Variants in KIF5B observed in about 807,000 individuals in gnomAD.
KIF5B encodes kinesin-1 heavy chain.
KIF5B carries 49 observed loss-of-function variants against 132.8 expected under a neutral mutation model. The observed-to-expected ratio is 0.37, with a 90% CI of 0.29 to 0.47. KIF5B has a LOEUF of 0.47. Among genes scored for constraint, KIF5B ranks in the 20% least tolerant of loss-of-function variants. The pLI is 1.00. For synonymous variants in KIF5B, 355 were observed against 369.4 expected (o/e 0.96, Z 0.45); for missense variants, 780 against 1,144.0 (o/e 0.68, Z 4.59).
intron 15 of KIF5B, among the ~76,000 whole-genome samples, chr10:32,026,769 A>T (rs1438054176): frequency 1.3e-5 from 2 of 152,180 alleles, no homozygotes; most frequent in East Asian, 1.9e-4. Context: ...ATCTTGAACA[A>T]CATCTCTCTG....
chr10:32,012,749 A>T, intron 25 of KIF5B, among the ~76,000 whole-genome samples: 1 of 152,302 alleles, frequency 6.6e-6, no homozygotes, highest in South Asian at 2.1e-4. Flanking sequence ...AAGTTGACAT[A>T]TGAATTTTAA....
chr10:32,039,432 C>A lies in KIF5B; in HGVS notation c.289-1G>T. 2 of 1,406,504 alleles carry A rather than the reference C, an allele frequency of 1.4e-6. No individual in the cohort carries two copies. The highest frequency in any genetic ancestry group is 1.9e-6 in the Non-Finnish European group (2 of 1,026,930). The allele number at this position is 1,406,504 out of a possible 1,614,324, so 87.1% of individuals were successfully genotyped here. A position where few individuals can be genotyped will look rare whatever the true frequency, so the allele number is the denominator to read the frequency against. ...TGCCTTCTGGATCATGAAGTTTACC[C>A]TAAACAAAAAACAAAACTAGACTTC... On this transcript the variant is annotated splice_acceptor_variant, in intron 3 of 25. Transcript: ENST00000302418. LOFTEE classifies it high-confidence loss of function.
At chr10:32,021,169 C>A (rs759092497) in intron 18 of KIF5B, 38 bp from the exon 19 acceptor site, 5 of 1,604,804 alleles carry the variant, frequency 3.1e-6, no homozygotes, top group Non-Finnish European at 4.3e-6. Context: ...TAAAGTCAGA[C>A]TAATCAAAAT....
At chr10:32,040,318 A>G (rs1841516104) in intron 3 of KIF5B, 66 bp downstream of exon 3, 2 of 930,032 alleles carry the variant, frequency 2.2e-6, no homozygotes, top group Non-Finnish European at 1.8e-6. Flanking sequence ...TGGTGAAATA[A>G]TATCACAAAT....
chr10:32,044,832 G>A (rs1278002508), intron 2 of KIF5B, among the ~76,000 whole-genome samples: 5 of 152,186 alleles, frequency 3.3e-5, no homozygotes, highest in Admixed American at 3.3e-4. Context: ...GCAAGAAAGT[G>A]GCAGAGCCTA....
rs892340728 is a variant in KIF5B, at chr10:32,009,500, T to C, written c.*2037A>G. 1 of 152,176 alleles carries C rather than the reference T, an allele frequency of 6.6e-6. No individual in the cohort carries two copies. The highest frequency in any genetic ancestry group is 2.4e-5 in the African/African-American group (1 of 41,454). 9.4% of individuals were successfully genotyped at this position (152,176 alleles called of 1,614,324 possible). A position where few individuals can be genotyped will look rare whatever the true frequency, so the allele number is the denominator to read the frequency against. On this transcript the variant is annotated 3_prime_UTR_variant, in exon 26 of 26. Coordinates refer to ENST00000302418, the MANE Select transcript of KIF5B (RefSeq NM_004521.3). ...AAATTCTTGGTACACTTTATGAAAG[T>C]CTGAAATTATAAATAGAAAAGAACC...
chr10:32,053,719 AAAAATATCTC>A (rs1841720905), intron 1 of KIF5B, among the ~76,000 whole-genome samples: 1 of 149,644 alleles, frequency 6.7e-6, no homozygotes, highest in Admixed American at 6.7e-5. Context: ...AGCAAAACTC[AAAAATATCTC>A]AAAAAAAAAA....
At position 32,035,702 on chromosome 10, in the gene KIF5B, G is replaced by GTA. The variant is rs759648144; in HGVS notation, c.817-37_817-36dup. 7 of 1,562,614 alleles carry GTA rather than the reference G, an allele frequency of 4.5e-6. No individual in the cohort carries two copies. In the South Asian group the frequency reaches 8.3e-5, roughly 18 times the overall value. ...AAAACAAAGAAAGAAAACAAGACCA[G>GTA]TATAATAAAATGTTATTATAAAATA... is the stretch of plus-strand genomic sequence containing the variant. On this transcript the variant is annotated intron_variant, in intron 9 of 25. Transcript: ENST00000302418.
intron 2 of KIF5B, among the ~76,000 whole-genome samples, 184 bp downstream of exon 2, chr10:32,048,280 T>C (rs968711416): frequency 6.6e-6 from 1 of 152,196 alleles, no homozygotes; most frequent in Admixed American, 6.5e-5. Context: ...AATTAGATCA[T>C]GGAATTTGAG....
In KIF5B at chr10:32,009,494, T is replaced by G. The variant is rs1483443530; in HGVS notation, c.*2043A>C. ...TTTATGAAATTCTTGGTACACTTTA[T>G]GAAAGTCTGAAATTATAAATAGAAA... is the stretch of plus-strand genomic sequence containing the variant. On this transcript the variant is annotated 3_prime_UTR_variant, in exon 26 of 26. Transcript: ENST00000302418. 2 of 152,222 alleles carry G rather than the reference T, an allele frequency of 1.3e-5. No homozygotes were observed. The highest frequency in any genetic ancestry group is 4.8e-5 in the African/African-American group (2 of 41,464). 9.4% of individuals were successfully genotyped at this position (152,222 alleles called of 1,614,324 possible).
chr10:32,038,099 G>T (rs1013457939), intron 6 of KIF5B, 64 bp downstream of exon 6: 22 of 954,184 alleles, frequency 2.3e-5, no homozygotes, highest in Non-Finnish European at 3.2e-5. Flanking sequence ...GACAGAGTGA[G>T]ACTCTGTCTT....
rs1209218673 is a variant in KIF5B, at chr10:32,033,783, A to G, written c.1305+62T>C. 2.6e-5 allele frequency: 30 copies of G among 1,165,774 alleles called. No homozygotes were observed. The Admixed American group carries it at 7.2e-4, about 28-fold the overall frequency. 72.2% of individuals were successfully genotyped at this position (1,165,774 alleles called of 1,614,324 possible). ...GCACTGAAATGAGAAAAGTTAGAAA[A>G]TAAAAACACCCATGTCAATAGTATC... On this transcript the variant is annotated intron_variant, in intron 12 of 25. Coordinates refer to ENST00000302418, the MANE Select transcript of KIF5B (RefSeq NM_004521.3).
intron 13 of KIF5B, among the ~76,000 whole-genome samples, chr10:32,032,143 G>T (rs975315383): frequency 3.4e-4 from 52 of 152,156 alleles, no homozygotes; most frequent in African/African-American, 1.2e-3. Context: ...GTTAATAATA[G>T]GGTAGAATGC....
chr10:32,050,506 G>A (rs1028337023), intron 1 of KIF5B, among the ~76,000 whole-genome samples: 1 of 152,162 alleles, frequency 6.6e-6, no homozygotes, highest in African/African-American at 2.4e-5. Flanking sequence ...CGACAAACAG[G>A]ATGATGAAAA....
intron 25 of KIF5B, among the ~76,000 whole-genome samples, chr10:32,013,196 G>A (rs904589206): frequency 8.6e-5 from 13 of 152,004 alleles, no homozygotes; most frequent in African/African-American, 1.7e-4. Flanking sequence ...CACTGCTCCC[G>A]GCCAACTCAT....
intron 21 of KIF5B, 42 bp from the exon 22 acceptor site, chr10:32,018,429 A>G (rs777390205): frequency 1.3e-6 from 2 of 1,580,244 alleles, no homozygotes; most frequent in South Asian, 2.3e-5. Flanking sequence ...TCAGACTTTA[A>G]ATTTAGAATA....
intron 1 of KIF5B, among the ~76,000 whole-genome samples, chr10:32,049,774 A>G (rs1432627377): frequency 1.3e-5 from 2 of 152,186 alleles, no homozygotes. Flanking sequence ...TCAAAAAATA[A>G]TAATTTTCAA....
chr10:32,019,148 T>A (rs1841223098), intron 20 of KIF5B, among the ~76,000 whole-genome samples: 1 of 152,212 alleles, frequency 6.6e-6, no homozygotes, highest in Admixed American at 6.5e-5. Flanking sequence ...ACATGTATTA[T>A]ACTGCTATTT....
intron 2 of KIF5B, among the ~76,000 whole-genome samples, chr10:32,041,145 CA>C (rs35673564): frequency 0.52 from 52,601 of 101,626 alleles, 8,590 homozygotes; most frequent in South Asian, 0.56. Context: ...GACTCTGTCT[CA>C]AAAAAAAAAA....
Sources: allele counts gnomAD v4.1 joint callset (sites outside exome capture counted in the v4.1 genomes callset), GRCh38; gene constraint gnomAD v4.1.1; transcripts MANE v1.5; gene names NCBI Gene and HGNC (gene_info 2026-07-23, HGNC 2026-07-21).